The following PITPNM3 variants were observed in gnomAD, a reference collection of about 807,000 sequenced individuals.
The protein encoded by PITPNM3 is membrane-associated phosphatidylinositol transfer protein 3.
In PITPNM3, 26 loss-of-function variants were observed where a neutral mutation model predicts 102.0. The ratio of observed to expected loss-of-function variants is 0.25; its 90% CI spans 0.19 to 0.35. The LOEUF (loss-of-function observed/expected upper bound fraction) is 0.35, where lower values mean the gene tolerates loss of function less well. Ranked by LOEUF, PITPNM3 falls within the 10% of genes least tolerant of loss-of-function variation. PITPNM3 has a pLI of 1.00. For synonymous variants in PITPNM3, 578 were observed against 558.6 expected (o/e 1.03, Z -0.49); for missense variants, 1,083 against 1,346.1 (o/e 0.80, Z 3.06).
chr17:6,470,201 G>A lies in PITPNM3; in HGVS notation c.1773+59C>T, dbSNP rs1904994277. 1 of 1,516,584 alleles carries A rather than the reference G, an allele frequency of 6.6e-7. No individual in the cohort carries two copies. Among genetic ancestry groups the A allele is most frequent in the Non-Finnish European group, 9.0e-7 (1 of 1,116,748 alleles). 93.9% of individuals were successfully genotyped at this position (1,516,584 alleles called of 1,614,324 possible). A position where few individuals can be genotyped will look rare whatever the true frequency, so the allele number is the denominator to read the frequency against. On this transcript the variant is annotated intron_variant, in intron 13 of 19. Coordinates refer to ENST00000262483, the MANE Select transcript of PITPNM3 (RefSeq NM_031220.4). The surrounding 1 kb of genome is among the most constrained non-coding windows in gnomAD (Gnocchi z 4.8). ...AAGAATAGCCTCCTCTCCAGCTGGAGAAGGGGCGGTACCCCCTTGGGGTGG... is the reference window on the plus strand; with the variant it reads ...AAGAATAGCCTCCTCTCCAGCTGGAAAAGGGGCGGTACCCCCTTGGGGTGG...
At chr17:6,545,714 T>C (rs1257286347) in intron 1 of PITPNM3, among the ~76,000 whole-genome samples, 1 of 150,848 alleles carries the variant, frequency 6.6e-6, no homozygotes, top group African/African-American at 2.4e-5. Flanking sequence ...AAGCATCAGC[T>C]GGAAGTCTTT....
chr17:6,547,739 T>C (rs1199430338), intron 1 of PITPNM3, among the ~76,000 whole-genome samples: 1 of 148,306 alleles, frequency 6.7e-6, no homozygotes, highest in Non-Finnish European at 1.5e-5. Flanking sequence ...TTTTCTTTTC[T>C]TTTCTTTTTT....
At chr17:6,505,878 C>T (rs34728555) in intron 3 of PITPNM3, among the ~76,000 whole-genome samples, 5 of 151,950 alleles carry the variant, frequency 3.3e-5, no homozygotes, top group African/African-American at 7.2e-5. Flanking sequence ...CGGGGAGAGA[C>T]GGGGAGGGAA....
At chr17:6,547,356 GCTAT>G (rs1410288204) in intron 1 of PITPNM3, among the ~76,000 whole-genome samples, 1 of 152,138 alleles carries the variant, frequency 6.6e-6, no homozygotes, top group African/African-American at 2.4e-5. Context: ...AATAGCTTTG[GCTAT>G]CTATTGTACT....
intron 3 of PITPNM3, among the ~76,000 whole-genome samples, chr17:6,518,888 TA>T (rs1472460938): frequency 6.6e-6 from 1 of 152,228 alleles, no homozygotes; most frequent in Non-Finnish European, 1.5e-5. Context: ...TGTTTGTTGG[TA>T]AAACATTGGA....
At chr17:6,552,876 C>T (rs117388858) in intron 1 of PITPNM3, among the ~76,000 whole-genome samples, 8,092 of 149,716 alleles carry the variant, frequency 0.054, 295 homozygotes, top group Non-Finnish European at 0.082. Flanking sequence ...ATGCCATTCT[C>T]TCGCCTCAGC....
At chr17:6,533,203 C>A (rs1909235253) in intron 2 of PITPNM3, among the ~76,000 whole-genome samples, 1 of 152,018 alleles carries the variant, frequency 6.6e-6, no homozygotes, top group South Asian at 2.1e-4. Context: ...CTCAGGTGAT[C>A]CACCCGCCTC....
chr17:6,518,624 T>C lies in PITPNM3; in HGVS notation c.226+6732A>G, dbSNP rs971402105. On this transcript the variant is annotated intron_variant, in intron 3 of 19. Coordinates refer to ENST00000262483, the MANE Select transcript of PITPNM3 (RefSeq NM_031220.4). Reference sequence around the variant, plus strand: ...TAATGAAATAAAAGCAATGTTAATTTACAAAAACTAAGTAGAGAAAACGGT... The same window carrying C: ...TAATGAAATAAAAGCAATGTTAATTCACAAAAACTAAGTAGAGAAAACGGT... Among the ~76,000 whole-genome samples the C allele has an allele frequency of 3.9e-5, 6 of 152,164 alleles. No individual in the cohort carries two copies. In the East Asian group the frequency reaches 1.2e-3, roughly 29 times the overall value.
At chr17:6,529,520 G>T (rs1415777420) in intron 2 of PITPNM3, among the ~76,000 whole-genome samples, 3 of 152,010 alleles carry the variant, frequency 2.0e-5, no homozygotes. Flanking sequence ...CTTGAACCCG[G>T]GTGGCAGAGG....
chr17:6,492,054 T>C (rs2150592842), intron 4 of PITPNM3, among the ~76,000 whole-genome samples: 1 of 151,676 alleles, frequency 6.6e-6, no homozygotes, highest in Non-Finnish European at 1.5e-5. Flanking sequence ...GTGTCATGTT[T>C]ATGCAAGGAA....
At chr17:6,496,741 G>A (rs907943) in intron 4 of PITPNM3, among the ~76,000 whole-genome samples, 113,855 of 152,070 alleles carry the variant, frequency 0.75, 42,855 homozygotes, top group Middle Eastern at 0.85. Flanking sequence ...TTTTTAAACA[G>A]ATGGGTGAAT....
rs1011429819 is a variant in PITPNM3 at position 6,452,659 on chromosome 17, C to T, written c.*2679G>A. ...GCCGTGAAAGCAGTACTGAAACATA[C>T]CTTGTCTCGCCACTAAACAGAACCG... On this transcript the variant is annotated 3_prime_UTR_variant, in exon 20 of 20. Coordinates refer to ENST00000262483, the MANE Select transcript of PITPNM3 (RefSeq NM_031220.4). The T allele has an allele frequency of 1.3e-5, 2 of 152,222 alleles. No individual in the cohort carries two copies. Among genetic ancestry groups the T allele is most frequent in the African/African-American group, 4.8e-5 (2 of 41,432 alleles). 9.4% of individuals were successfully genotyped at this position (152,222 alleles called of 1,614,324 possible). A position where few individuals can be genotyped will look rare whatever the true frequency, so the allele number is the denominator to read the frequency against.
rs762779113 is a variant in PITPNM3 at position 6,483,736 on chromosome 17, C to T, written c.368G>A (p.Arg123His). 4.3e-5 allele frequency: 70 copies of T among 1,613,048 alleles called. No individual in the cohort carries two copies. Among genetic ancestry groups the T allele is most frequent in the Non-Finnish European group, 5.5e-5 (65 of 1,180,028 alleles). ...CAGGAGGACATGTGTCTTGCAGGAG[C>T]GCTGCGGGCAGCCTTCCTGAGAGCC... ...HEDSEEGCPQRSCKTHVLLLV... is the reference protein window; with the variant it reads ...HEDSEEGCPQHSCKTHVLLLV... Residue 123 changes from arginine to histidine, a missense_variant, in exon 6 of 20, where the codon CGC becomes CAC. Arg to His is a conservative substitution (Grantham distance 29). Coordinates refer to ENST00000262483, the MANE Select transcript of PITPNM3 (RefSeq NM_031220.4).
intron 2 of PITPNM3, among the ~76,000 whole-genome samples, chr17:6,526,075 G>A (rs1471311927): frequency 6.6e-6 from 1 of 152,210 alleles, no homozygotes; most frequent in Non-Finnish European, 1.5e-5. Context: ...TTCTAAGGAA[G>A]CTTTGACTTG....
At chr17:6,473,322 GACCAGC>G (rs1026444598) in intron 10 of PITPNM3, 8 of 232,570 alleles carry the variant, frequency 3.4e-5, no homozygotes, top group Non-Finnish European at 6.0e-5. Context: ...TTCTCTCGCT[GACCAGC>G]AGGTGTCTCC....
chr17:6,455,609 G>A lies in PITPNM3; in HGVS notation c.2654C>T (p.Ala885Val). 1.3e-6 allele frequency: 2 copies of A among 1,589,318 alleles called. No individual in the cohort carries two copies. The highest frequency in any genetic ancestry group is 1.7e-6 in the Non-Finnish European group (2 of 1,177,132). ...GCGTGAGCGGTGGCTGGCCTCCAGC[G>A]CGGCCAGGTGTGCGGCGTAGCCCTC... ...LSEGYAAHLA[A>V]LEASHRSRPK... The change falls in exon 20 of 20, where the codon GCG becomes GTG. Residue 885 changes from alanine to valine, a missense_variant. Physicochemically the swap from Ala to Val is moderately conservative, Grantham distance 64. Coordinates refer to ENST00000262483, the MANE Select transcript of PITPNM3 (RefSeq NM_031220.4).
At chr17:6,510,522 C>A (rs1426004174) in intron 3 of PITPNM3, among the ~76,000 whole-genome samples, 1 of 152,250 alleles carries the variant, frequency 6.6e-6, no homozygotes, top group Non-Finnish European at 1.5e-5. Context: ...GCCCCACCCC[C>A]GTCTGGGAGC....
chr17:6,474,404 C>T (rs1030561185), intron 10 of PITPNM3, 28 bp downstream of exon 10: 7 of 1,610,904 alleles, frequency 4.3e-6, no homozygotes, highest in Non-Finnish European at 5.9e-6. Context: ...GCACAGGCAC[C>T]TCAGGCCCCA....
At chr17:6,466,549 C>T (rs1303619802) in intron 14 of PITPNM3, among the ~76,000 whole-genome samples, 1 of 152,228 alleles carries the variant, frequency 6.6e-6, no homozygotes, top group Non-Finnish European at 1.5e-5. Context: ...TGAAATACCC[C>T]GTCACACCCA....
Sources: allele counts gnomAD v4.1 joint callset (sites outside exome capture counted in the v4.1 genomes callset), GRCh38; gene constraint gnomAD v4.1.1; non-coding constraint Gnocchi (gnomAD v3.1); transcripts MANE v1.5; gene names NCBI Gene and HGNC (gene_info 2026-07-23, HGNC 2026-07-21).